Variants in XKR3 observed in about 807,000 individuals in gnomAD.
XKR3 encodes XK related 3, also known as XK-related protein 3.
A neutral mutation model predicts 40.3 loss-of-function variants in XKR3; 27 were observed. That is an observed-to-expected ratio of 0.67 (90% CI 0.49 to 0.92). The LOEUF (loss-of-function observed/expected upper bound fraction) is 0.92. Among genes scored for constraint, XKR3 ranks in the 40% least tolerant of loss-of-function variants. XKR3 has a pLI of 0.00. For synonymous variants in XKR3, 193 were observed against 195.4 expected (o/e 0.99, Z 0.10); for missense variants, 472 against 537.6 (o/e 0.88, Z 1.21).
chr22:16,812,610 G>A (rs936470080), intron 1 of XKR3, among the ~76,000 whole-genome samples: 10 of 152,156 alleles, frequency 6.6e-5, no homozygotes, highest in African/African-American at 2.2e-4. Flanking sequence ...TAAAGGCAGA[G>A]GTTGCAGTGA....
chr22:16,792,395 C>T (rs1300375616), intron 3 of XKR3, among the ~76,000 whole-genome samples: 1 of 152,150 alleles, frequency 6.6e-6, no homozygotes, highest in South Asian at 2.1e-4. Context: ...CAGATCTGTG[C>T]GTACAATGAA....
At chr22:16,803,760 AG>A (rs759259126) in intron 2 of XKR3, among the ~76,000 whole-genome samples, 3 of 152,334 alleles carry the variant, frequency 2.0e-5, no homozygotes, top group Non-Finnish European at 4.4e-5. Flanking sequence ...TTACCCTATA[AG>A]GGCTAAAAAG....
chr22:16,814,164 G>T (rs1249604561), intron 1 of XKR3, among the ~76,000 whole-genome samples: 1 of 152,088 alleles, frequency 6.6e-6, no homozygotes, highest in Non-Finnish European at 1.5e-5. Context: ...ATTTTATTGT[G>T]TTCAGCTCCT....
At chr22:16,790,625 G>T (rs1294075644) in intron 3 of XKR3, among the ~76,000 whole-genome samples, 2 of 152,006 alleles carry the variant, frequency 1.3e-5, no homozygotes, top group Non-Finnish European at 2.9e-5. Flanking sequence ...CCTGGGTGAT[G>T]AAATAATTTG....
At chr22:16,785,084 G>A (rs1267520739) in intron 3 of XKR3, among the ~76,000 whole-genome samples, 4 of 152,162 alleles carry the variant, frequency 2.6e-5, no homozygotes, top group Non-Finnish European at 5.9e-5. Context: ...TTAGGAGGCC[G>A]AGGCGGGCGG....
In XKR3 at chr22:16,784,358, C is replaced by T; in HGVS notation, c.641G>A (p.Cys214Tyr). The T allele has an allele frequency of 6.2e-7, 1 of 1,613,148 alleles. No homozygotes were observed. The highest frequency in any genetic ancestry group is 8.5e-7 in the Non-Finnish European group (1 of 1,179,672). ...GCTGATCTGGATGGCCAGTATATTG[C>T]AGCGAATGGCCCCATAAGTAACTGA... ...LLSVTYGAIR[C>Y]NILAIQISND... The change falls in exon 4 of 4, where the codon TGC becomes TAC. Residue 214 changes from cysteine to tyrosine, a missense_variant. Physicochemically the swap from Cys to Tyr is radical, Grantham distance 194. Coordinates refer to ENST00000684488, the MANE Select transcript of XKR3 (RefSeq NM_001386955.1).
rs559105450 is a variant in XKR3, at chr22:16,799,785, C to A, written c.575G>T (p.Trp192Leu). The change falls in exon 3 of 4, where the codon TGG becomes TTG. Residue 192 changes from tryptophan (W) to leucine (L), a missense_variant. Trp to Leu is a moderately conservative substitution (Grantham distance 61). Coordinates refer to ENST00000684488, the MANE Select transcript of XKR3 (RefSeq NM_001386955.1). ...ACTCAACTTACCTCTATTCAAAGGC[C>A]ATTCTCGTATAGTGAGACTGATATA... is the stretch of plus-strand genomic sequence containing the variant. ...QMYISLTIRE[W>L]PLNRALLMTF... The A allele has an allele frequency of 2.3e-5, 37 of 1,613,944 alleles. No individual in the cohort carries two copies. The South Asian group carries it at 4.0e-4, about 17-fold the overall frequency.
chr22:16,787,266 G>A (rs2060094583), intron 3 of XKR3, among the ~76,000 whole-genome samples: 1 of 152,086 alleles, frequency 6.6e-6, no homozygotes, highest in South Asian at 2.1e-4. Context: ...AGTCACTGGT[G>A]TTCAAGGAAA....
chr22:16,804,041 T>C (rs1190743865), intron 2 of XKR3, among the ~76,000 whole-genome samples: 1 of 152,106 alleles, frequency 6.6e-6, no homozygotes, highest in African/African-American at 2.4e-5. Flanking sequence ...ATACATCATG[T>C]TAACAGAATA....
At chr22:16,817,339 G>A (rs1424162130) in intron 1 of XKR3, among the ~76,000 whole-genome samples, 1 of 73,284 alleles carries the variant, frequency 1.4e-5, no homozygotes, top group East Asian at 4.1e-4. Flanking sequence ...GTTTCTTAGG[G>A]CATCGAACGT....
chr22:16,817,448 A>G (rs941196203), intron 1 of XKR3, among the ~76,000 whole-genome samples: 2 of 152,286 alleles, frequency 1.3e-5, no homozygotes, highest in Admixed American at 1.3e-4. Context: ...AGGTTGAGAT[A>G]TGAACTTTCC....
chr22:16,791,735 AAGAGGGAGAGAGAGGGAGAGAGAGGGAG>A (rs2060117241), intron 3 of XKR3, among the ~76,000 whole-genome samples: 1 of 116,850 alleles, frequency 8.6e-6, no homozygotes, highest in Non-Finnish European at 1.7e-5. Context: ...GAGAGGGAGA[AAGAGGGAGAGAGAGGGAGAGAGAGGGAG>A]AGAGGGAGAG....
chr22:16,807,726 T>G lies in XKR3; in HGVS notation c.335+13A>C. 1 of 1,551,310 alleles carries G rather than the reference T, an allele frequency of 6.4e-7. No individual in the cohort carries two copies. Among genetic ancestry groups the G allele is most frequent in the Non-Finnish European group, 8.7e-7 (1 of 1,148,520 alleles). On this transcript the variant is annotated intron_variant, in intron 2 of 3. Coordinates refer to ENST00000684488, the MANE Select transcript of XKR3 (RefSeq NM_001386955.1). ...GTTGGAGGCAGTGAATGAGAAATATTTGTGTCACTTACCTCACAATAGGTC... is the reference window on the plus strand; with the variant it reads ...GTTGGAGGCAGTGAATGAGAAATATGTGTGTCACTTACCTCACAATAGGTC...
intron 2 of XKR3, among the ~76,000 whole-genome samples, chr22:16,803,077 C>CATATATAT (rs56137788): frequency 6.7e-6 from 1 of 149,734 alleles, no homozygotes; most frequent in African/African-American, 2.4e-5. Flanking sequence ...CCTCAATTGA[C>CATATATAT]ATATATATAT....
At chr22:16,789,271 C>A (rs2146142036) in intron 3 of XKR3, among the ~76,000 whole-genome samples, 1 of 152,122 alleles carries the variant, frequency 6.6e-6, no homozygotes, top group East Asian at 1.9e-4. Context: ...CTAAACACAC[C>A]ACTAAAAAGC....
In XKR3 at chr22:16,807,762, A is replaced by T; in HGVS notation, c.312T>A (p.Ile104=). The change falls in exon 2 of 4, where the codon ATT becomes ATA. Residue 104 remains isoleucine, a synonymous_variant. Transcript: ENST00000684488. ...ACCTCACAATAGGTCCTAAAAGAAG[A>T]ATGTGCCAAAAAAGTAATGCAGCCT... The part of the protein sequence containing the change: ...RNKAALLFWH[I]LLLGPIVRCL... The T allele has an allele frequency of 6.2e-7, 1 of 1,606,962 alleles. No individual in the cohort carries two copies. The highest frequency in any genetic ancestry group is 8.5e-7 in the Non-Finnish European group (1 of 1,176,042).
At chr22:16,812,184 T>A (rs2060215768) in intron 1 of XKR3, among the ~76,000 whole-genome samples, 1 of 152,238 alleles carries the variant, frequency 6.6e-6, no homozygotes, top group African/African-American at 2.4e-5. Context: ...CAATGCCAAA[T>A]TTGAGTTTAG....
At chr22:16,811,191 G>A (rs571081029) in intron 1 of XKR3, among the ~76,000 whole-genome samples, 16 of 150,294 alleles carry the variant, frequency 1.1e-4, no homozygotes, top group African/African-American at 1.7e-4. Context: ...GCAGGATCTC[G>A]GCTCACCACA....
intron 2 of XKR3, among the ~76,000 whole-genome samples, chr22:16,803,991 C>G (rs2060179756): frequency 1.3e-5 from 2 of 152,154 alleles, no homozygotes; most frequent in Non-Finnish European, 2.9e-5. Flanking sequence ...GGATCAGGAC[C>G]ACTTTCCCAT....
Sources: gnomAD v4.1 joint callset for allele counts (sites outside exome capture counted in the v4.1 genomes callset) on GRCh38, gnomAD v4.1.1 for gene constraint, MANE v1.5 for transcripts, NCBI Gene and HGNC (gene_info 2026-07-23, HGNC 2026-07-21) for gene names.